The following NECTIN2 variants were observed in gnomAD, a reference collection of about 807,000 sequenced individuals.
NECTIN2 encodes nectin cell adhesion molecule 2, also known as nectin-2.
NECTIN2 carries 23 observed loss-of-function variants against 56.9 expected under a neutral mutation model. That is an observed-to-expected ratio of 0.40 (90% CI 0.29 to 0.57). The LOEUF is 0.57. Among genes scored for constraint, NECTIN2 ranks in the 20% least tolerant of loss-of-function variants. The pLI is 0.38. For synonymous variants in NECTIN2, 302 were observed against 313.8 expected (o/e 0.96, Z 0.40); for missense variants, 587 against 718.3 (o/e 0.82, Z 2.09).
chr19:44,864,020 C>G lies in NECTIN2; in HGVS notation c.89-1251C>G, dbSNP rs954802902. Among the ~76,000 whole-genome samples, 5 of 151,414 alleles carry G rather than the reference C, an allele frequency of 3.3e-5. No homozygotes were observed. The East Asian group carries it at 7.8e-4, about 24-fold the overall frequency. On this transcript the variant is annotated intron_variant, in intron 1 of 8. Coordinates refer to ENST00000252483, the MANE Select transcript of NECTIN2 (RefSeq NM_001042724.2). ...ATTTATTTTCAGAGGATTCCCCCCC[C>G]CCAAAAAAAAATCTTATGAAAATTT...
chr19:44,862,992 C>CAAAAAAAAAAA (rs57740346), intron 1 of NECTIN2, among the ~76,000 whole-genome samples: 2 of 123,106 alleles, frequency 1.6e-5, no homozygotes, highest in Non-Finnish European at 3.3e-5. Flanking sequence ...ACTAAAAATA[C>CAAAAAAAAAAA]AAAAAAAAAA....
chr19:44,866,023 T>G (rs1969097449), intron 2 of NECTIN2, among the ~76,000 whole-genome samples: 2 of 151,768 alleles, frequency 1.3e-5, no homozygotes, highest in South Asian at 4.2e-4. Flanking sequence ...AAATAAAAAA[T>G]TAGCTGGGTG....
chr19:44,878,637 G>T, intron 5 of NECTIN2: 1 of 1,571,408 alleles, frequency 6.4e-7, no homozygotes, highest in Non-Finnish European at 8.6e-7. Context: ...CACAGACAGA[G>T]ACAGAGCCAG....
rs2122618498 is a variant in NECTIN2 at position 44,848,069 on chromosome 19, GA to G, written c.88+1457del. ...GTTTGCGCAGAAGAGAGCTCAGGGG[GA>G]TCTTGGGGGAACCCCGGCCACCTCT... On this transcript the variant is annotated intron_variant, in intron 1 of 8. Coordinates refer to ENST00000252483, the MANE Select transcript of NECTIN2 (RefSeq NM_001042724.2). Among the ~76,000 whole-genome samples, 2 of 152,300 alleles carry G rather than the reference GA, an allele frequency of 1.3e-5. 1 individual carries two copies. The highest frequency in any genetic ancestry group is 4.1e-4 in the South Asian group (2 of 4,834).
chr19:44,867,802 A>G (rs890277375), intron 2 of NECTIN2, among the ~76,000 whole-genome samples: 2 of 152,166 alleles, frequency 1.3e-5, no homozygotes, highest in African/African-American at 2.4e-5. Context: ...TGCCCTCAGC[A>G]TGGTTAAGAG....
chr19:44,851,770 C>T (rs560003622), intron 1 of NECTIN2, among the ~76,000 whole-genome samples: 1 of 152,216 alleles, frequency 6.6e-6, no homozygotes, highest in Non-Finnish European at 1.5e-5. Context: ...CTGGCCATGT[C>T]CTGGCCAAGT....
At chr19:44,864,015 C>CCCCCA (rs1555786370) in intron 1 of NECTIN2, among the ~76,000 whole-genome samples, 3 of 151,140 alleles carry the variant, frequency 2.0e-5, no homozygotes, top group Non-Finnish European at 4.4e-5. Flanking sequence ...AGAGGATTCC[C>CCCCCA]CCCCCCCAAA....
intron 1 of NECTIN2, among the ~76,000 whole-genome samples, chr19:44,848,313 C>A (rs1445307484): frequency 6.6e-6 from 1 of 152,170 alleles, no homozygotes; most frequent in Non-Finnish European, 1.5e-5. Context: ...CCCTGGGAAA[C>A]AGGTCCTGTT....
At chr19:44,881,445 G>A (rs1282101195) in intron 5 of NECTIN2, among the ~76,000 whole-genome samples, 3 of 151,924 alleles carry the variant, frequency 2.0e-5, no homozygotes, top group Non-Finnish European at 4.4e-5. Flanking sequence ...GGGAGGCCGA[G>A]GCGGGAGGAT....
intron 1 of NECTIN2, among the ~76,000 whole-genome samples, chr19:44,855,700 C>T (rs1968957898): frequency 6.6e-6 from 1 of 152,082 alleles, no homozygotes; most frequent in South Asian, 2.1e-4. Flanking sequence ...AAAACAAGCA[C>T]CTGATTTGTC....
intron 1 of NECTIN2, among the ~76,000 whole-genome samples, chr19:44,850,249 A>G (rs750715719): frequency 5.3e-5 from 8 of 152,116 alleles, no homozygotes; most frequent in Non-Finnish European, 1.0e-4. Context: ...AATTGGAGAC[A>G]CAGAGGGACA....
At position 44,874,952 on chromosome 19, in the gene NECTIN2, C is replaced by A. The variant is rs896587207; in HGVS notation, c.1042+474C>A. Among the ~76,000 whole-genome samples, 4 of 152,178 alleles carry A rather than the reference C, an allele frequency of 2.6e-5. No individual in the cohort carries two copies. The highest frequency in any genetic ancestry group is 5.9e-5 in the Non-Finnish European group (4 of 68,034). On this transcript the variant is annotated intron_variant, in intron 5 of 8. Transcript: ENST00000252483. This position sits in a 1 kb window ranked among gnomAD's most constrained non-coding sequence, Gnocchi z 6.3. ...AGTGATGGAAACTGGGTCAAACTCA[C>A]AACTGCAGGGCCACACACCTAGAGC...
At chr19:44,855,286 G>C (rs1470444078) in intron 1 of NECTIN2, among the ~76,000 whole-genome samples, 4 of 150,672 alleles carry the variant, frequency 2.7e-5, no homozygotes, top group Non-Finnish European at 4.4e-5. Context: ...TTAGCAGAGC[G>C]TGGTGGCGGG....
rs990397930 is a variant in NECTIN2, at chr19:44,888,523, A to G, written c.*144A>G. 5 of 878,252 alleles carry G rather than the reference A, an allele frequency of 5.7e-6. No homozygotes were observed. The African/African-American group carries it at 8.5e-5, about 15-fold the overall frequency. The allele number at this position is 878,252 out of a possible 1,614,324, so 54.4% of individuals were successfully genotyped here. The stretch of plus-strand genomic sequence containing the variant: ...TTGTGATGTCTACCTTGGTGGCTCC[A>G]CTATGACCCCTAACCCATGAGCCCA... On this transcript the variant is annotated 3_prime_UTR_variant, in exon 9 of 9. Coordinates refer to ENST00000252483, the MANE Select transcript of NECTIN2 (RefSeq NM_001042724.2).
At chr19:44,873,194 A>C (rs1969197392) in intron 3 of NECTIN2, among the ~76,000 whole-genome samples, 1 of 152,100 alleles carries the variant, frequency 6.6e-6, no homozygotes. Flanking sequence ...TCCCTAAGCC[A>C]AGTCTACACC....
intron 6 of NECTIN2, among the ~76,000 whole-genome samples, chr19:44,885,195 C>T (rs1267132369): frequency 6.6e-6 from 1 of 151,664 alleles, no homozygotes; most frequent in Non-Finnish European, 1.5e-5. Context: ...AGGGTTTCTC[C>T]ATGTTGGTCA....
rs1021957619 is a variant in NECTIN2 at position 44,865,217 on chromosome 19, G to T, written c.89-54G>T. On this transcript the variant is annotated intron_variant, in intron 1 of 8. Coordinates refer to ENST00000252483, the MANE Select transcript of NECTIN2 (RefSeq NM_001042724.2). This position sits in a 1 kb window ranked among gnomAD's most constrained non-coding sequence, Gnocchi z 5.2. Reference sequence around the variant, plus strand: ...CCCTTCGTGGTGGCCCTGCCTGGAGGTGTCTGGGTCCCTCCCCCACCCGAC... The same window carrying T: ...CCCTTCGTGGTGGCCCTGCCTGGAGTTGTCTGGGTCCCTCCCCCACCCGAC... 1.3e-6 allele frequency: 2 copies of T among 1,518,268 alleles called. No individual in the cohort carries two copies. The highest frequency in any genetic ancestry group is 2.8e-5 in the African/African-American group (2 of 72,674). The allele number at this position is 1,518,268 out of a possible 1,614,324, so 94.0% of individuals were successfully genotyped here. A position where few individuals can be genotyped will look rare whatever the true frequency, so the allele number is the denominator to read the frequency against.
intron 5 of NECTIN2, among the ~76,000 whole-genome samples, chr19:44,880,475 CTTTTTTTTTTTTTTTTT>C (rs4013742): frequency 2.9e-5 from 2 of 68,876 alleles, no homozygotes; most frequent in Non-Finnish European, 5.3e-5. Context: ...CCTGTCTTGC[CTTTTTTTTTTTTTTTTT>C]TTTTTTTTTT....
chr19:44,878,676 A>G (rs529365165), intron 5 of NECTIN2: 1 of 1,522,066 alleles, frequency 6.6e-7, no homozygotes, highest in East Asian at 2.3e-5. Flanking sequence ...CGACCTGACC[A>G]CGCCGGCCTA....
Sources: allele counts gnomAD v4.1 joint callset (sites outside exome capture counted in the v4.1 genomes callset), GRCh38; gene constraint gnomAD v4.1.1; non-coding constraint Gnocchi (gnomAD v3.1); transcripts MANE v1.5; gene names NCBI Gene and HGNC (gene_info 2026-07-23, HGNC 2026-07-21).